MKKS: variants seen among roughly 807,000 people sequenced by gnomAD.
MKKS encodes the protein molecular chaperone MKKS.
In MKKS, 29 loss-of-function variants were observed where a neutral mutation model predicts 33.2. The observed-to-expected ratio is 0.87, with a 90% CI of 0.65 to 1.19. MKKS has a LOEUF of 1.19. Ranked by LOEUF, MKKS falls within the 50% of genes most tolerant of loss-of-function variation. The pLI, the probability that MKKS is intolerant of heterozygous loss-of-function variation, is 0.00. For synonymous variants in MKKS, 260 were observed against 244.0 expected, an observed-to-expected ratio of 1.07 and a Z score of -0.61; for missense variants, 661 against 662.3, an observed-to-expected ratio of 1.00 and a Z score of 0.02.
At chr20:10,426,334 C>T (rs761563083) in intron 1 of MKKS, among the ~76,000 whole-genome samples, 1 of 152,142 alleles carries the variant, frequency 6.6e-6, no homozygotes, top group African/African-American at 2.4e-5. Flanking sequence ...ATGAGGGGAA[C>T]ATTTGGAGGG....
chr20:10,432,610 T>C (rs1012069937), intron 1 of MKKS, among the ~76,000 whole-genome samples: 1 of 152,000 alleles, frequency 6.6e-6, no homozygotes, highest in African/African-American at 2.4e-5. Context: ...CTGGCCAACA[T>C]GGCGAAACAC....
intron 1 of MKKS, among the ~76,000 whole-genome samples, chr20:10,432,628 A>C (rs2065061370): frequency 6.6e-6 from 1 of 152,060 alleles, no homozygotes; most frequent in Admixed American, 6.5e-5. Flanking sequence ...CACCATCTCT[A>C]CTAAAAAATA....
At chr20:10,414,162 G>C (rs2064919342) in intron 2 of MKKS, among the ~76,000 whole-genome samples, 2 of 151,860 alleles carry the variant, frequency 1.3e-5, no homozygotes, top group South Asian at 4.2e-4. Context: ...ATTCTGTAAG[G>C]CACAACAACA....
rs1410955287 is a variant in MKKS, at chr20:10,403,630, A to C, written c.*1617T>G. ...TACTCACAGCATAAAATTATGGATA[A>C]GGCATAACCATAACCATCACCATAA... On this transcript the variant is annotated 3_prime_UTR_variant, in exon 6 of 6. Transcript: ENST00000347364. The C allele has an allele frequency of 6.6e-6, 1 of 152,204 alleles. No individual in the cohort carries two copies. Among genetic ancestry groups the C allele is most frequent in the African/African-American group, 2.4e-5 (1 of 41,444 alleles). 9.4% of individuals were successfully genotyped at this position (152,204 alleles called of 1,614,324 possible).
rs890043910 is a variant in MKKS at position 10,403,829 on chromosome 20, G to A, written c.*1418C>T. ...TAATAATAAAAGGAGTAAAACTTTT[G>A]ATAAATATTTTATGAGACTTCAGGT... is the stretch of plus-strand genomic sequence containing the variant. On this transcript the variant is annotated 3_prime_UTR_variant, in exon 6 of 6. Coordinates refer to ENST00000347364, the MANE Select transcript of MKKS (RefSeq NM_170784.3). 4 of 152,166 alleles carry A rather than the reference G, an allele frequency of 2.6e-5. No individual in the cohort carries two copies. Among genetic ancestry groups the A allele is most frequent in the African/African-American group, 9.7e-5 (4 of 41,434 alleles). 9.4% of individuals were successfully genotyped at this position (152,166 alleles called of 1,614,324 possible).
chr20:10,404,256 C>A lies in MKKS; in HGVS notation c.*991G>T, dbSNP rs2064826120. The stretch of plus-strand genomic sequence containing the variant: ...CTATTGACTAGAGAAATAACTTCCC[C>A]TTCCCTTTATGCTGCTTTCTGAAGT... On this transcript the variant is annotated 3_prime_UTR_variant, in exon 6 of 6. Coordinates refer to ENST00000347364, the MANE Select transcript of MKKS (RefSeq NM_170784.3). 6.8e-6 allele frequency: 1 copy of A among 147,242 alleles called. No homozygotes were observed. Among genetic ancestry groups the A allele is most frequent in the Admixed American group, 6.8e-5 (1 of 14,622 alleles). The allele number at this position is 147,242 out of a possible 1,614,324, so 9.1% of individuals were successfully genotyped here. A position where few individuals can be genotyped will look rare whatever the true frequency, so the allele number is the denominator to read the frequency against.
At chr20:10,425,690 C>T (rs1174589421) in intron 1 of MKKS, among the ~76,000 whole-genome samples, 1 of 152,146 alleles carries the variant, frequency 6.6e-6, no homozygotes, top group Non-Finnish European at 1.5e-5. Flanking sequence ...AGAATAAGCT[C>T]AAAATGATCA....
intron 2 of MKKS, among the ~76,000 whole-genome samples, chr20:10,418,192 T>G (rs1355299163): frequency 6.6e-6 from 1 of 152,234 alleles, no homozygotes; most frequent in Non-Finnish European, 1.5e-5. Flanking sequence ...GCTTAAGATT[T>G]GATTTAAAAT....
rs1443376346 is a variant in MKKS, at chr20:10,413,484, A to T, written c.31T>A (p.Leu11Met). 1.9e-6 allele frequency: 3 copies of T among 1,614,096 alleles called. No individual in the cohort carries two copies. Among genetic ancestry groups the T allele is most frequent in the Admixed American group, 1.7e-5 (1 of 60,010 alleles). MSRLEAKKPS[L>M]CKSEPLTTER... ...GTTGTCAGTGGTTCACTCTTACACA[A>T]TGATGGCTTCTTAGCTTCCAAACGA... Residue 11 changes from leucine (L) to methionine (M), a missense_variant, in exon 3 of 6, where the codon TTG becomes ATG. By Grantham distance (15) the Leu-to-Met change is conservative (BLOSUM62 2). Coordinates refer to ENST00000347364, the MANE Select transcript of MKKS (RefSeq NM_170784.3).
chr20:10,407,497 CT>C, intron 5 of MKKS, 118 bp downstream of exon 5: 1 of 862,068 alleles, frequency 1.2e-6, no homozygotes, highest in African/African-American at 1.7e-5. Context: ...ACATGCACCC[CT>C]GAACCTAAAA....
chr20:10,408,952 C>T (rs6039916), intron 3 of MKKS, 149 bp from the exon 4 acceptor site: 1 of 625,690 alleles, frequency 1.6e-6, no homozygotes, highest in South Asian at 2.1e-5. Context: ...ATGAATATTC[C>T]TAAACTGCTA....
rs140080906 is a variant in MKKS, at chr20:10,422,284, T to C, written c.-648-1526A>G. Among the ~76,000 whole-genome samples, 897 of 152,312 alleles carry C rather than the reference T, an allele frequency of 5.9e-3. 5 individuals are homozygous for C. Among genetic ancestry groups the C allele is most frequent in the Non-Finnish European group, 9.0e-3 (615 of 68,026 alleles). On this transcript the variant is annotated intron_variant, in intron 1 of 5. Transcript: ENST00000347364. Reference sequence around the variant, plus strand: ...CTGCTTTGTAAATGAAAGTATTTTATGGCCTTTTCCTTTTCTAACGTACTG... The same window carrying C: ...CTGCTTTGTAAATGAAAGTATTTTACGGCCTTTTCCTTTTCTAACGTACTG...
At chr20:10,407,211 T>C (rs1038991599) in intron 5 of MKKS, among the ~76,000 whole-genome samples, 1 of 152,214 alleles carries the variant, frequency 6.6e-6, no homozygotes, top group Non-Finnish European at 1.5e-5. Flanking sequence ...CTTGGCCCTT[T>C]TGTTTGTGAA....
At chr20:10,418,877 C>T (rs1048630742) in intron 2 of MKKS, among the ~76,000 whole-genome samples, 1 of 152,170 alleles carries the variant, frequency 6.6e-6, no homozygotes, top group South Asian at 2.1e-4. Context: ...AATTCTCTAA[C>T]TCCCTGCTTA....
chr20:10,413,498 G>T lies in MKKS; in HGVS notation c.17C>A (p.Ala6Asp). MSRLE[A>D]KKPSLCKSEP... is the part of the protein sequence containing the mutation. Reference sequence around the variant, plus strand: ...ACTCTTACACAATGATGGCTTCTTAGCTTCCAAACGAGACATCTTACTTCA... The same window carrying T: ...ACTCTTACACAATGATGGCTTCTTATCTTCCAAACGAGACATCTTACTTCA... Residue 6 changes from alanine (A) to aspartate (D), a missense_variant, in exon 3 of 6, where the codon GCT becomes GAT. By Grantham distance (126) the Ala-to-Asp change is moderately radical. Coordinates refer to ENST00000347364, the MANE Select transcript of MKKS (RefSeq NM_170784.3). 1 of 1,614,164 alleles carries T rather than the reference G, an allele frequency of 6.2e-7. No individual in the cohort carries two copies. The highest frequency in any genetic ancestry group is 8.5e-7 in the Non-Finnish European group (1 of 1,180,030).
chr20:10,429,414 T>C (rs1424173824), intron 1 of MKKS, among the ~76,000 whole-genome samples: 1 of 152,234 alleles, frequency 6.6e-6, no homozygotes, highest in African/African-American at 2.4e-5. Flanking sequence ...CCCAAACTTC[T>C]ATGATCATGC....
chr20:10,429,665 G>C (rs768238582), intron 1 of MKKS, among the ~76,000 whole-genome samples: 12 of 152,062 alleles, frequency 7.9e-5, no homozygotes, highest in Non-Finnish European at 1.6e-4. Context: ...TTTTCCTCAT[G>C]CTCCTCATCA....
At chr20:10,419,922 C>G (rs1002223414) in intron 2 of MKKS, among the ~76,000 whole-genome samples, 1 of 152,292 alleles carries the variant, frequency 6.6e-6, no homozygotes, top group African/African-American at 2.4e-5. Flanking sequence ...GAAAGCCAAA[C>G]TGCGGATAAA....
At chr20:10,433,813 G>A (rs1372556891) in intron 1 of MKKS, among the ~76,000 whole-genome samples, 2 of 152,188 alleles carry the variant, frequency 1.3e-5, no homozygotes, top group African/African-American at 4.8e-5. Flanking sequence ...GAAGGCGGCA[G>A]CGCAGGTGGG....
Sources: gnomAD v4.1 joint callset for allele counts (sites outside exome capture counted in the v4.1 genomes callset) on GRCh38, gnomAD v4.1.1 for gene constraint, MANE v1.5 for transcripts, NCBI Gene and HGNC (gene_info 2026-07-23, HGNC 2026-07-21) for gene names.